Variants in ERCC1 observed in about 807,000 individuals in gnomAD.
ERCC1 encodes the protein DNA excision repair protein ERCC-1.
Under a neutral mutation model 37.6 loss-of-function variants are expected in ERCC1, and 36 were observed. The ratio of observed to expected loss-of-function variants is 0.96; its 90% CI spans 0.73 to 1.26. The LOEUF is 1.26. Among genes scored for constraint, ERCC1 ranks in the 50% most tolerant of loss-of-function variants. The pLI, the probability that ERCC1 is intolerant of heterozygous loss-of-function variation, is 0.00. For synonymous variants in ERCC1, 156 were observed against 162.1 expected (o/e 0.96, Z 0.28); for missense variants, 349 against 376.5 (o/e 0.93, Z 0.60).
Position 45,420,143 on chromosome 19 carries a change from G to A in ERCC1, c.425+181C>T, listed in dbSNP as rs943077962. On this transcript the variant is annotated intron_variant, in intron 4 of 9. Coordinates refer to ENST00000300853, the MANE Select transcript of ERCC1 (RefSeq NM_001983.4). This position sits in a 1 kb window ranked among gnomAD's most constrained non-coding sequence, Gnocchi z 4.8. ...CCCAGGAGTTCGGGCTCCAGCTCTT[G>A]TTGCACTGGGCACCTCCAGGCCAAG... 5.3e-5 allele frequency among the ~76,000 whole-genome samples: 8 copies of A among 151,664 alleles called. No homozygotes were observed. Among genetic ancestry groups the A allele is most frequent in the Admixed American group, 2.0e-4 (3 of 15,250 alleles).
chr19:45,427,387 G>T (rs1974721115), upstream of ERCC1, among the ~76,000 whole-genome samples: 1 of 152,018 alleles, frequency 6.6e-6, no homozygotes, highest in African/African-American at 2.4e-5. Flanking sequence ...ATGGAAGGTG[G>T]ATCACGAGGT....
At chr19:45,433,915 G>A (rs10420725) in intron 1 of ERCC1, among the ~76,000 whole-genome samples, 2 of 150,522 alleles carry the variant, frequency 1.3e-5, no homozygotes, top group Non-Finnish European at 1.5e-5. Context: ...GGTGGATCAC[G>A]TGAGGTCAGG....
chr19:45,432,537 G>A (rs1017534796), intron 1 of ERCC1, among the ~76,000 whole-genome samples: 8 of 151,830 alleles, frequency 5.3e-5, no homozygotes, highest in African/African-American at 1.7e-4. Flanking sequence ...AACTCTTTGG[G>A]GTCCTCAATA....
At chr19:45,415,655 A>C (rs1055279307) in intron 6 of ERCC1, among the ~76,000 whole-genome samples, 2 of 151,672 alleles carry the variant, frequency 1.3e-5, no homozygotes, top group Non-Finnish European at 2.9e-5. Flanking sequence ...AAAAAAAAAA[A>C]AAACAATTGT....
At chr19:45,445,853 AG>A (rs1012999503) in intron 1 of ERCC1, among the ~76,000 whole-genome samples, 2 of 152,154 alleles carry the variant, frequency 1.3e-5, no homozygotes, top group Non-Finnish European at 2.9e-5. Flanking sequence ...TGAGCAAAAG[AG>A]GGATGTGAAC....
chr19:45,449,693 G>A (rs1599871277), intron 1 of ERCC1, among the ~76,000 whole-genome samples: 2 of 151,482 alleles, frequency 1.3e-5, no homozygotes, highest in East Asian at 1.9e-4. Context: ...GGCCGGGCGC[G>A]GTGGGTCACG....
chr19:45,413,771 G>C, intron 8 of ERCC1, 26 bp from the exon 9 acceptor site: 1 of 1,612,014 alleles, frequency 6.2e-7, no homozygotes, highest in Non-Finnish European at 8.5e-7. Flanking sequence ...GAGGGGTCAG[G>C]GCAGTTGAGC....
intron 5 of ERCC1, among the ~76,000 whole-genome samples, chr19:45,417,425 G>T (rs763652670): frequency 2.6e-5 from 4 of 152,140 alleles, no homozygotes; most frequent in Non-Finnish European, 5.9e-5. Context: ...GAGACCCAAA[G>T]GAGGATGAGG....
intron 1 of ERCC1, among the ~76,000 whole-genome samples, chr19:45,434,158 A>C (rs57957157): frequency 0.036 from 4,421 of 122,552 alleles, 122 homozygotes; most frequent in East Asian, 0.17. Context: ...ACACACACAA[A>C]AAAAAAAAAA....
At chr19:45,449,555 A>T (rs1291997604) in intron 1 of ERCC1, among the ~76,000 whole-genome samples, 2 of 152,196 alleles carry the variant, frequency 1.3e-5, no homozygotes, top group Non-Finnish European at 2.9e-5. Context: ...AGTCCCAGCT[A>T]GTTGGTAGGC....
chr19:45,446,162 A>G (rs1568602453), intron 1 of ERCC1, among the ~76,000 whole-genome samples: 9 of 151,724 alleles, frequency 5.9e-5, no homozygotes, highest in Admixed American at 5.3e-4. Context: ...AGCCTCCCAA[A>G]GTGTTGGGAT....
At chr19:45,426,055 C>A (rs779295989), upstream of ERCC1, among the ~76,000 whole-genome samples, 8 of 151,508 alleles carry the variant, frequency 5.3e-5, no homozygotes, top group Non-Finnish European at 8.8e-5. Flanking sequence ...ACCAGCCTGA[C>A]CAACATGGAG....
Position 45,434,138 on chromosome 19 carries a change from T to TCACA in ERCC1, c.-7-10761_-7-10758dup, listed in dbSNP as rs529916289. Reference sequence around the variant, plus strand: ...CAGCCTGGCCAACAGCAAGAATGTCTCACACACACACACACACAAAAAAAA... The same window carrying TCACA: ...CAGCCTGGCCAACAGCAAGAATGTCTCACACACACACACACACACACAAAAAAAA... On this transcript the variant is annotated intron_variant, in intron 1 of 8. Transcript: ENST00000423698. Among the ~76,000 whole-genome samples the TCACA allele has an allele frequency of 1.2e-4, 12 of 100,570 alleles. 1 individual carries two copies. The highest frequency in any genetic ancestry group is 4.2e-4 in the African/African-American group (9 of 21,220). The allele number at this position is 100,570 out of a possible 152,430, so 66.0% of individuals were successfully genotyped here. A position where few individuals can be genotyped will look rare whatever the true frequency, so the allele number is the denominator to read the frequency against.
At chr19:45,421,492 G>T in intron 2 of ERCC1, 99 bp from the exon 3 acceptor site, 2 of 847,710 alleles carry the variant, frequency 2.4e-6, no homozygotes, top group Non-Finnish European at 3.6e-6. Flanking sequence ...CTTTTTTTGA[G>T]ACAGTCTTGC....
At chr19:45,438,936 C>T (rs1358106454) in intron 1 of ERCC1, among the ~76,000 whole-genome samples, 2 of 152,210 alleles carry the variant, frequency 1.3e-5, no homozygotes, top group South Asian at 4.1e-4. Context: ...CCACCGCGCC[C>T]GGCCCGAAGT....
At position 45,421,201 on chromosome 19, in the gene ERCC1, T is replaced by C. The variant is rs370355287; in HGVS notation, c.298A>G (p.Ser100Gly). ...QALKPGAKSN[S>G]IIVSPRQRGN... ...ACCTGCCGAGGGCTCACAATGATGCTGTTGGATTTTGCCCCGGGTTTCAGG... is the reference window on the plus strand; with the variant it reads ...ACCTGCCGAGGGCTCACAATGATGCCGTTGGATTTTGCCCCGGGTTTCAGG... The change falls in exon 3 of 10, where the codon AGC becomes GGC. Residue 100 changes from serine (S) to glycine (G), a missense_variant. Coordinates refer to ENST00000300853, the MANE Select transcript of ERCC1 (RefSeq NM_001983.4). 1.2e-6 allele frequency: 2 copies of C among 1,614,186 alleles called. No individual in the cohort carries two copies. Among genetic ancestry groups the C allele is most frequent in the Non-Finnish European group, 1.7e-6 (2 of 1,180,012 alleles).
intron 6 of ERCC1, 40 bp downstream of exon 6, chr19:45,416,781 C>CAGGT: frequency 6.5e-7 from 1 of 1,529,638 alleles, no homozygotes; most frequent in Middle Eastern, 1.8e-4. Context: ...GGACCAATCC[C>CAGGT]AGGTGGAGCC....
intron 2 of ERCC1, 42 bp from the exon 3 acceptor site, chr19:45,421,435 A>G (rs370924119): frequency 1.1e-5 from 16 of 1,450,336 alleles, no homozygotes; most frequent in Non-Finnish European, 1.5e-5. Flanking sequence ...GGTTGGGGTG[A>G]GCAGAGGACA....
chr19:45,425,511 C>T (rs184455571), upstream of ERCC1, among the ~76,000 whole-genome samples: 45 of 152,034 alleles, frequency 3.0e-4, no homozygotes, highest in African/African-American at 1.1e-3. Context: ...GCCTCAGCCT[C>T]CCAAGTAGCT....
Sources: gnomAD v4.1 joint callset for allele counts (sites outside exome capture counted in the v4.1 genomes callset) on GRCh38, gnomAD v4.1.1 for gene constraint, Gnocchi (gnomAD v3.1) non-coding constraint, MANE v1.5 for transcripts, NCBI Gene and HGNC (gene_info 2026-07-23, HGNC 2026-07-21) for gene names.